The following BRD10 variants were observed in gnomAD, a reference collection of about 807,000 sequenced individuals.
The protein encoded by BRD10 is bromodomain containing 10, also known as uncharacterized bromodomain-containing protein 10.
chr9:5,911,093 G>C, the BRD10 span, among the ~76,000 whole-genome samples: 1 of 152,102 alleles, frequency 6.6e-6, no homozygotes, highest in Non-Finnish European at 1.5e-5. Flanking sequence ...TGCTATGTAG[G>C]GTATTACTCA....
At chr9:5,978,068 CAG>C in the BRD10 span, among the ~76,000 whole-genome samples, 1 of 152,046 alleles carries the variant, frequency 6.6e-6, no homozygotes, top group African/African-American at 2.4e-5. Context: ...TTTTTAAAAA[CAG>C]GGTACATAAA....
chr9:5,897,966 G>C, the BRD10 span: 1 of 284,838 alleles, frequency 3.5e-6, no homozygotes, highest in Admixed American at 4.2e-5. Flanking sequence ...AGATCTAGGG[G>C]CCACACCTGG....
At chr9:5,880,382 C>T in the BRD10 span, among the ~76,000 whole-genome samples, 11 of 151,896 alleles carry the variant, frequency 7.2e-5, no homozygotes, top group Non-Finnish European at 1.3e-4. Flanking sequence ...CGTCATGGCA[C>T]GCGCCTGTAA....
chr9:5,966,455 C>CTTTT, the BRD10 span, among the ~76,000 whole-genome samples: 10,917 of 83,634 alleles, frequency 0.13, 1,394 homozygotes, highest in East Asian at 0.2. Context: ...CTAACATTTC[C>CTTTT]TTTTTTTTTT....
At chr9:5,968,974 G>A in the BRD10 span, 82 of 1,609,564 alleles carry the variant, frequency 5.1e-5, no homozygotes, top group Non-Finnish European at 5.9e-5. Flanking sequence ...AAGGTAGTTC[G>A]TGAAAAGGTT....
At chr9:5,921,771 A>G in the BRD10 span, 1 of 1,613,996 alleles carries the variant, frequency 6.2e-7, no homozygotes, top group South Asian at 1.1e-5. Flanking sequence ...CTTGTTGTTG[A>G]TGGTAGTAGA....
the BRD10 span, among the ~76,000 whole-genome samples, chr9:5,959,578 A>C: frequency 3.3e-5 from 5 of 152,190 alleles, no homozygotes; most frequent in South Asian, 2.1e-4. Context: ...GGAGTATAGT[A>C]AATCCTTTCA....
the BRD10 span, chr9:5,968,406 C>T: frequency 1.2e-6 from 2 of 1,612,544 alleles, no homozygotes; most frequent in South Asian, 1.1e-5. Flanking sequence ...AACCTTATTT[C>T]ACCTGGACTA....
the BRD10 span, among the ~76,000 whole-genome samples, chr9:5,887,883 T>C: frequency 6.6e-6 from 1 of 152,206 alleles, no homozygotes; most frequent in South Asian, 2.1e-4. Flanking sequence ...GTTTAAATTT[T>C]CCCTCCTTTA....
chr9:5,945,587 C>T, the BRD10 span, among the ~76,000 whole-genome samples: 1 of 152,064 alleles, frequency 6.6e-6, no homozygotes, highest in Non-Finnish European at 1.5e-5. Flanking sequence ...CATTTCATTT[C>T]ACCTGGTAAC....
At chr9:5,925,649 G>C in the BRD10 span, among the ~76,000 whole-genome samples, 1 of 152,048 alleles carries the variant, frequency 6.6e-6, no homozygotes, top group African/African-American at 2.4e-5. Flanking sequence ...TTAATCCTGG[G>C]AGTAATTGTA....
the BRD10 span, chr9:5,919,775 TGA>T: frequency 2.5e-6 from 4 of 1,613,456 alleles, no homozygotes; most frequent in African/African-American, 2.7e-5. Flanking sequence ...TACAACAATC[TGA>T]GAGAGAGATG....
the BRD10 span, among the ~76,000 whole-genome samples, chr9:5,973,982 G>A: frequency 1.3e-5 from 2 of 152,162 alleles, no homozygotes; most frequent in African/African-American, 4.8e-5. Flanking sequence ...GGTGATAGTT[G>A]AAGACATAAT....
At chr9:5,934,523 T>G in the BRD10 span, among the ~76,000 whole-genome samples, 6 of 151,986 alleles carry the variant, frequency 3.9e-5, no homozygotes, top group Admixed American at 3.3e-4. Flanking sequence ...CACGCCCAAC[T>G]AATTTTAAAT....
At chr9:5,893,860 C>T in the BRD10 span, among the ~76,000 whole-genome samples, 4 of 152,040 alleles carry the variant, frequency 2.6e-5, no homozygotes, top group Non-Finnish European at 4.4e-5. Flanking sequence ...AGGCTAGGAC[C>T]GTTCCTTTCA....
At chr9:5,922,327 G>A in the BRD10 span, 2 of 1,613,972 alleles carry the variant, frequency 1.2e-6, no homozygotes, top group Non-Finnish European at 1.7e-6. Flanking sequence ...GTGAAGCACT[G>A]GGCAAGGAGA....
At chr9:5,901,898 C>T in the BRD10 span, among the ~76,000 whole-genome samples, 1 of 152,166 alleles carries the variant, frequency 6.6e-6, no homozygotes, top group South Asian at 2.1e-4. Flanking sequence ...TCCTTTTATA[C>T]ATTGTTAGTT....
chr9:5,931,923 ATTAC>A, the BRD10 span, among the ~76,000 whole-genome samples: 1 of 152,176 alleles, frequency 6.6e-6, no homozygotes, highest in South Asian at 2.1e-4. Context: ...AGGTGCTTTA[ATTAC>A]TTAGAGTAAA....
the BRD10 span, among the ~76,000 whole-genome samples, chr9:5,987,237 T>C: frequency 5.3e-5 from 8 of 152,246 alleles, no homozygotes; most frequent in African/African-American, 1.9e-4. Context: ...TATCTTTGTC[T>C]CTTCCTTTGT....
Sources: allele counts gnomAD v4.1 joint callset (sites outside exome capture counted in the v4.1 genomes callset), GRCh38; gene constraint gnomAD v4.1.1; transcripts MANE v1.5; gene names NCBI Gene and HGNC (gene_info 2026-07-23, HGNC 2026-07-21).